Variants in STXBP3 observed in about 807,000 individuals in gnomAD.
STXBP3 encodes syntaxin binding protein 3.
A neutral mutation model predicts 85.7 loss-of-function variants in STXBP3; 41 were observed. The ratio of observed to expected loss-of-function variants is 0.48; its 90% CI spans 0.37 to 0.62. The LOEUF is 0.62. Ranked by LOEUF, STXBP3 falls within the 20% of genes least tolerant of loss-of-function variation. The pLI, the probability that STXBP3 is intolerant of heterozygous loss-of-function variation, is 0.00. For synonymous variants in STXBP3, 229 were observed against 231.7 expected (o/e 0.99, Z 0.10); for missense variants, 563 against 703.1 (o/e 0.80, Z 2.25).
At chr1:108,804,453 C>G (rs968161468) in intron 17 of STXBP3, among the ~76,000 whole-genome samples, 1 of 152,018 alleles carries the variant, frequency 6.6e-6, no homozygotes, top group Admixed American at 6.6e-5. Context: ...TTTAAACATA[C>G]CTAATTTGTA....
chr1:108,781,343 C>G (rs1662712336), intron 9 of STXBP3: 1 of 152,148 alleles, frequency 6.6e-6, no homozygotes, highest in African/African-American at 2.4e-5. Context: ...TAGGAAAACT[C>G]AATGCAGTCC....
intron 11 of STXBP3, among the ~76,000 whole-genome samples, chr1:108,784,584 C>T (rs551046273): frequency 2.6e-5 from 4 of 152,286 alleles, no homozygotes; most frequent in South Asian, 4.1e-4. Context: ...ATCATTCTGC[C>T]CCTGGTACCT....
At chr1:108,803,099 T>A (rs866129259) in intron 17 of STXBP3, among the ~76,000 whole-genome samples, 11 of 152,344 alleles carry the variant, frequency 7.2e-5, no homozygotes, top group African/African-American at 9.6e-5. Context: ...TGAGGACTTT[T>A]CTTTACTTTT....
intron 6 of STXBP3, 42 bp downstream of exon 6, chr1:108,760,127 A>G: frequency 1.6e-6 from 2 of 1,272,098 alleles, no homozygotes; most frequent in Non-Finnish European, 2.2e-6. Context: ...GAGGTTTCAA[A>G]TTTGGTTTTA....
intron 1 of STXBP3, among the ~76,000 whole-genome samples, chr1:108,751,448 T>G (rs1416670931): frequency 6.6e-6 from 1 of 152,182 alleles, no homozygotes; most frequent in African/African-American, 2.4e-5. Flanking sequence ...AAGCATTAAC[T>G]TAAATATAAA....
In STXBP3 at chr1:108,808,902, A is replaced by G. The variant is rs1472591020; in HGVS notation, c.*25A>G. 1 of 1,471,648 alleles carries G rather than the reference A, an allele frequency of 6.8e-7. No individual in the cohort carries two copies. Among genetic ancestry groups the G allele is most frequent in the Non-Finnish European group, 9.4e-7 (1 of 1,068,274 alleles). 91.2% of individuals were successfully genotyped at this position (1,471,648 alleles called of 1,614,324 possible). On this transcript the variant is annotated 3_prime_UTR_variant, in exon 19 of 19. Coordinates refer to ENST00000370008, the MANE Select transcript of STXBP3 (RefSeq NM_007269.4). ...GCATTTCTTTTTGGAGGGTTTAGAG[A>G]TTCTTACTAATATGTTGAACTAAAA...
At chr1:108,773,228 G>A (rs931922376) in intron 7 of STXBP3, among the ~76,000 whole-genome samples, 1 of 151,906 alleles carries the variant, frequency 6.6e-6, no homozygotes, top group African/African-American at 2.4e-5. Context: ...TAAATTTTGG[G>A]GTTTTCTTAA....
chr1:108,748,546 G>A (rs935497840), intron 1 of STXBP3, among the ~76,000 whole-genome samples: 15 of 151,720 alleles, frequency 9.9e-5, no homozygotes, highest in South Asian at 8.3e-4. Flanking sequence ...AATAGCTAGC[G>A]TAAGCCCGGG....
At chr1:108,758,398 C>A in intron 4 of STXBP3, 112 bp from the exon 5 acceptor site, 1 of 179,824 alleles carries the variant, frequency 5.6e-6, no homozygotes, top group South Asian at 1.3e-4. Flanking sequence ...AAACTTTTAG[C>A]CAGTAAAGTT....
intron 17 of STXBP3, among the ~76,000 whole-genome samples, chr1:108,801,433 G>T (rs1663231347): frequency 6.6e-6 from 1 of 151,900 alleles, no homozygotes; most frequent in Admixed American, 6.6e-5. Context: ...TTTCTCTCTT[G>T]CTCTCTTGTA....
At chr1:108,807,576 GTT>G (rs375887364) in intron 18 of STXBP3, 27 bp downstream of exon 18, 11,433 of 1,313,678 alleles carry the variant, frequency 8.7e-3, no homozygotes, top group Admixed American at 0.015. Flanking sequence ...CTTCTTTTCT[GTT>G]TTTTTTTTTT....
At chr1:108,756,859 T>G (rs1662032580) in intron 4 of STXBP3, 93 bp downstream of exon 4, 1 of 911,704 alleles carries the variant, frequency 1.1e-6, no homozygotes. Flanking sequence ...AAAGTACACT[T>G]TAGTAGAAAA....
intron 5 of STXBP3, 144 bp downstream of exon 5, chr1:108,758,732 A>G: frequency 5.0e-6 from 2 of 398,666 alleles, no homozygotes; most frequent in East Asian, 3.8e-5. Context: ...TCTATTTATC[A>G]TTTGTTCTAA....
At chr1:108,786,740 A>G (rs1050490040) in intron 11 of STXBP3, among the ~76,000 whole-genome samples, 3 of 152,172 alleles carry the variant, frequency 2.0e-5, no homozygotes, top group Admixed American at 6.5e-5. Flanking sequence ...TTGTTCTTCA[A>G]GATTGTCTCA....
chr1:108,786,070 C>T (rs1662818257), intron 11 of STXBP3, among the ~76,000 whole-genome samples: 1 of 152,194 alleles, frequency 6.6e-6, no homozygotes, highest in African/African-American at 2.4e-5. Flanking sequence ...CACAGTAGCA[C>T]CCCACTCCTG....
chr1:108,776,312 G>T, intron 7 of STXBP3, 21 bp from the exon 8 acceptor site: 2 of 1,539,738 alleles, frequency 1.3e-6, no homozygotes, highest in South Asian at 2.4e-5. Flanking sequence ...ATAATTGTTT[G>T]ATCCTTTTTT....
chr1:108,796,807 G>A (rs1344971959), intron 15 of STXBP3, 81 bp downstream of exon 15: 8 of 914,304 alleles, frequency 8.7e-6, no homozygotes, highest in Non-Finnish European at 1.2e-5. Context: ...TTTTTTTTAT[G>A]TGGACAGTCT....
intron 11 of STXBP3, among the ~76,000 whole-genome samples, chr1:108,783,399 G>A (rs1207098429): frequency 6.6e-6 from 1 of 152,050 alleles, no homozygotes; most frequent in Non-Finnish European, 1.5e-5. Flanking sequence ...TACCCCTCCT[G>A]CCAGAGGTAA....
intron 16 of STXBP3, among the ~76,000 whole-genome samples, chr1:108,799,613 G>A (rs1178762865): frequency 2.6e-5 from 4 of 152,096 alleles, no homozygotes; most frequent in Admixed American, 6.5e-5. Flanking sequence ...CTACCATGCC[G>A]TAAAGCAGTG....
Sources: allele counts gnomAD v4.1 joint callset (sites outside exome capture counted in the v4.1 genomes callset), GRCh38; gene constraint gnomAD v4.1.1; transcripts MANE v1.5; gene names NCBI Gene and HGNC (gene_info 2026-07-23, HGNC 2026-07-21).